Variants in SLC35B3 observed in about 807,000 individuals in gnomAD.
The protein encoded by SLC35B3 is solute carrier family 35 member B3.
A neutral mutation model predicts 44.1 loss-of-function variants in SLC35B3; 35 were observed. The ratio of observed to expected loss-of-function variants is 0.79; its 90% CI spans 0.61 to 1.05. SLC35B3 has a LOEUF of 1.05. Among genes scored for constraint, SLC35B3 ranks in the 50% least tolerant of loss-of-function variants. SLC35B3 has a pLI of 0.00. For synonymous variants in SLC35B3, 146 were observed against 167.3 expected (o/e 0.87, Z 0.98); for missense variants, 414 against 476.4 (o/e 0.87, Z 1.22).
intron 3 of SLC35B3, among the ~76,000 whole-genome samples, chr6:8,428,395 A>G (rs1367217085): frequency 1.3e-5 from 2 of 152,192 alleles, no homozygotes; most frequent in East Asian, 1.9e-4. Context: ...TTTTAATTGA[A>G]TAAGTCAAAT....
At chr6:8,427,706 C>T (rs570278530) in intron 4 of SLC35B3, among the ~76,000 whole-genome samples, 1 of 152,274 alleles carries the variant, frequency 6.6e-6, no homozygotes, top group Non-Finnish European at 1.5e-5. Flanking sequence ...GAACATATAA[C>T]ACTAAGTTGA....
At position 8,429,931 on chromosome 6, in the gene SLC35B3, T is replaced by C. The variant is rs201086048; in HGVS notation, c.230A>G (p.Lys77Arg). Residue 77 changes from lysine to arginine, a missense_variant, in exon 3 of 11, where the codon AAA (lysine) becomes AGA (arginine). By Grantham distance (26) the Lys-to-Arg change is conservative. Coordinates refer to ENST00000644923, the MANE Select transcript of SLC35B3 (RefSeq NM_001370476.2). ...AACACATATGAAAAACTGAGTAAGT[T>C]TGTTAAACTTGCTGAGATTCATGCC... 56 of 1,611,010 alleles carry C rather than the reference T, an allele frequency of 3.5e-5. No individual in the cohort carries two copies. Among genetic ancestry groups the C allele is most frequent in the Non-Finnish European group, 4.6e-5 (54 of 1,178,920 alleles).
At chr6:8,426,718 A>T (rs2327048) in intron 4 of SLC35B3, among the ~76,000 whole-genome samples, 45 of 152,008 alleles carry the variant, frequency 3.0e-4, no homozygotes, top group African/African-American at 1.0e-3. Context: ...CAGGAGTGAG[A>T]TGTTGCTGAA....
At chr6:8,416,399 A>C (rs905348519) in intron 9 of SLC35B3, among the ~76,000 whole-genome samples, 1 of 152,282 alleles carries the variant, frequency 6.6e-6, no homozygotes, top group South Asian at 2.1e-4. Context: ...AGGGCCAAGC[A>C]AAGACCCTGC....
In SLC35B3 at chr6:8,435,531, C is replaced by A. The variant is rs945853084; in HGVS notation, c.-232G>T. The A allele has an allele frequency of 4.2e-6, 2 of 479,492 alleles. No homozygotes were observed. The highest frequency in any genetic ancestry group is 2.0e-5 in the African/African-American group (1 of 49,412). 29.7% of individuals were successfully genotyped at this position (479,492 alleles called of 1,614,324 possible). ...ACTCTCAACTCCGGCGCCCGCAGGC[C>A]ACTTCCGCCTATGTGTCCCTGCGCG... On this transcript the variant is annotated 5_prime_UTR_variant, in exon 1 of 11. Transcript: ENST00000644923. This position sits in a 1 kb window ranked among gnomAD's most constrained non-coding sequence, Gnocchi z 5.5.
Position 8,420,757 on chromosome 6 carries a change from C to G in SLC35B3, c.646G>C (p.Ala216Pro). 1 of 1,613,042 alleles carries G rather than the reference C, an allele frequency of 6.2e-7. No homozygotes were observed. The highest frequency in any genetic ancestry group is 1.1e-5 in the South Asian group (1 of 91,004). Reference sequence around the variant, plus strand: ...AAATTTGGTGCAGTTGTGCTGTCAGCGAGGGTAAACCATATCAGGCCAAGG... The same window carrying G: ...AAATTTGGTGCAGTTGTGCTGTCAGGGAGGGTAAACCATATCAGGCCAAGG... Residue 216 changes from alanine (A) to proline (P), a missense_variant, in exon 6 of 11, where the codon GCT becomes CCT. Ala to Pro is a conservative substitution (Grantham distance 27, BLOSUM62 -1). Transcript: ENST00000644923. The surrounding 1 kb of genome is among the most constrained non-coding windows in gnomAD (Gnocchi z 4.4).
At chr6:8,415,538 C>T (rs980499978) in intron 9 of SLC35B3, among the ~76,000 whole-genome samples, 1 of 152,142 alleles carries the variant, frequency 6.6e-6, no homozygotes, top group African/African-American at 2.4e-5. Context: ...CATAGATCTC[C>T]ATGACAGTAC....
chr6:8,420,611 A>T lies in SLC35B3; in HGVS notation c.682+110T>A. 1 of 703,890 alleles carries T rather than the reference A, an allele frequency of 1.4e-6. No individual in the cohort carries two copies. Among genetic ancestry groups the T allele is most frequent in the East Asian group, 2.6e-5 (1 of 37,972 alleles). 43.6% of individuals were successfully genotyped at this position (703,890 alleles called of 1,614,324 possible). A position where few individuals can be genotyped will look rare whatever the true frequency, so the allele number is the denominator to read the frequency against. On this transcript the variant is annotated intron_variant, in intron 6 of 10. Transcript: ENST00000644923. The surrounding 1 kb of genome is among the most constrained non-coding windows in gnomAD (Gnocchi z 4.4). ...AAAGTCCAAAAGCTTTATGTTAGAT[A>T]TGAAAATTGCAGCTGTCACACTATC...
intron 7 of SLC35B3, among the ~76,000 whole-genome samples, chr6:8,418,179 A>G (rs1255861367): frequency 6.6e-6 from 1 of 152,180 alleles, no homozygotes; most frequent in African/African-American, 2.4e-5. Flanking sequence ...TAGTAAAGCC[A>G]GGATATGAAC....
chr6:8,420,660 CG>C lies in SLC35B3; in HGVS notation c.682+60del, dbSNP rs2113352356. Reference sequence around the variant, plus strand: ...TCATTTAAAATGCTTACAAAATATTCGAAATTCGTATTCTAAACTAAAAAGC... The same window carrying C: ...TCATTTAAAATGCTTACAAAATATTCAAATTCGTATTCTAAACTAAAAAGC... On this transcript the variant is annotated intron_variant, in intron 6 of 10. Coordinates refer to ENST00000644923, the MANE Select transcript of SLC35B3 (RefSeq NM_001370476.2). This position sits in a 1 kb window ranked among gnomAD's most constrained non-coding sequence, Gnocchi z 4.4. 8.0e-7 allele frequency: 1 copy of C among 1,255,124 alleles called. No individual in the cohort carries two copies. The highest frequency in any genetic ancestry group is 2.1e-5 in the Admixed American group (1 of 48,330). The allele number at this position is 1,255,124 out of a possible 1,614,324, so 77.7% of individuals were successfully genotyped here.
Position 8,413,378 on chromosome 6 carries a change from A to G in SLC35B3, c.*171T>C. 1 of 541,984 alleles carries G rather than the reference A, an allele frequency of 1.8e-6. No individual in the cohort carries two copies. The highest frequency in any genetic ancestry group is 3.1e-6 in the Non-Finnish European group (1 of 320,460). 33.6% of individuals were successfully genotyped at this position (541,984 alleles called of 1,614,324 possible). ...TCTTGATTGCTTTGGAAGTCAGTCA[A>G]ACAAATGCTCTGAAGAAAAGGCTGA... On this transcript the variant is annotated 3_prime_UTR_variant, in exon 11 of 11. Coordinates refer to ENST00000644923, the MANE Select transcript of SLC35B3 (RefSeq NM_001370476.2).
In SLC35B3 at chr6:8,420,711, A is replaced by C. The variant is rs576891111; in HGVS notation, c.682+10T>G. 1 of 1,597,078 alleles carries C rather than the reference A, an allele frequency of 6.3e-7. No individual in the cohort carries two copies. Among genetic ancestry groups the C allele is most frequent in the Admixed American group, 1.7e-5 (1 of 58,708 alleles). The stretch of plus-strand genomic sequence containing the variant: ...CCTATAAAAGCTAGGAATATAAATA[A>C]ATTACTTACCCGTCAGGTTGAAATT... On this transcript the variant is annotated intron_variant, in intron 6 of 10. Transcript: ENST00000644923. The surrounding 1 kb of genome is among the most constrained non-coding windows in gnomAD (Gnocchi z 4.4).
chr6:8,431,407 C>G (rs957196072), intron 2 of SLC35B3, among the ~76,000 whole-genome samples: 3 of 152,078 alleles, frequency 2.0e-5, no homozygotes, highest in African/African-American at 7.2e-5. Context: ...AGAGTCGCCT[C>G]TTCATGATCA....
chr6:8,423,387 T>A (rs1763116533), intron 4 of SLC35B3, among the ~76,000 whole-genome samples: 1 of 147,194 alleles, frequency 6.8e-6, no homozygotes, highest in Non-Finnish European at 1.5e-5. Context: ...TATGTTATAA[T>A]AATCAACTTT....
rs1005822250 is a variant in SLC35B3, at chr6:8,412,654, C to A, written c.*895G>T. ...CCCTTTTGGCAGTAGGGACTAGTTTCGTGGAAGACAATTTTTCCATGGACT... is the reference window on the plus strand; with the variant it reads ...CCCTTTTGGCAGTAGGGACTAGTTTAGTGGAAGACAATTTTTCCATGGACT... On this transcript the variant is annotated 3_prime_UTR_variant, in exon 11 of 11. Coordinates refer to ENST00000644923, the MANE Select transcript of SLC35B3 (RefSeq NM_001370476.2). 1.8e-4 allele frequency among the ~76,000 whole-genome samples: 28 copies of A among 152,224 alleles called. No individual in the cohort carries two copies. The highest frequency in any genetic ancestry group is 3.4e-4 in the Non-Finnish European group (23 of 67,984).
chr6:8,429,351 A>T (rs1398932816), intron 3 of SLC35B3, among the ~76,000 whole-genome samples: 2 of 152,206 alleles, frequency 1.3e-5, no homozygotes, highest in African/African-American at 2.4e-5. Context: ...TCACAGAACA[A>T]TAAGATTCTG....
Position 8,421,714 on chromosome 6 carries a change from A to G in SLC35B3, c.574+756T>C, listed in dbSNP as rs140708168. Among the ~76,000 whole-genome samples the G allele has an allele frequency of 8.5e-3, 1,289 of 152,330 alleles. 20 individuals are homozygous for G. The highest frequency in any genetic ancestry group is 0.029 in the African/African-American group (1,200 of 41,580). ...TGGGGCTCTAAACATCACTAAAGCC[A>G]GCAGGTTGGTAAAAACGCAGTTCTG... On this transcript the variant is annotated intron_variant, in intron 5 of 10. Coordinates refer to ENST00000644923, the MANE Select transcript of SLC35B3 (RefSeq NM_001370476.2).
chr6:8,426,275 A>G (rs1184318708), intron 4 of SLC35B3, among the ~76,000 whole-genome samples: 2 of 152,144 alleles, frequency 1.3e-5, no homozygotes. Flanking sequence ...TCTTAATATG[A>G]GATTTATTTA....
Position 8,431,591 on chromosome 6 carries a change from CTT to C in SLC35B3, c.4-1436_4-1435del, listed in dbSNP as rs540167818. On this transcript the variant is annotated intron_variant, in intron 2 of 10. Transcript: ENST00000644923. ...GTTTCATGAAGTTTACTGTGTTCCTCTTGTTTATTCTTCACTTTCCTTTGTTC... is the reference window on the plus strand; with the variant it reads ...GTTTCATGAAGTTTACTGTGTTCCTCGTTTATTCTTCACTTTCCTTTGTTC... Among the ~76,000 whole-genome samples, 30 of 152,300 alleles carry C rather than the reference CTT, an allele frequency of 2.0e-4. No homozygotes were observed. The Middle Eastern group carries it at 0.017, about 86-fold the overall frequency.
Sources: allele counts gnomAD v4.1 joint callset (sites outside exome capture counted in the v4.1 genomes callset), GRCh38; gene constraint gnomAD v4.1.1; non-coding constraint Gnocchi (gnomAD v3.1); transcripts MANE v1.5; gene names NCBI Gene and HGNC (gene_info 2026-07-23, HGNC 2026-07-21).